Variants in FOXN3 observed in about 807,000 individuals in gnomAD.
FOXN3 encodes the protein forkhead box protein N3.
FOXN3 carries 7 observed loss-of-function variants against 38.4 expected under a neutral mutation model. That is an observed-to-expected ratio of 0.18 (90% CI 0.10 to 0.34). The LOEUF (loss-of-function observed/expected upper bound fraction) is 0.34, where lower values mean the gene tolerates loss of function less well. Among genes scored for constraint, FOXN3 ranks in the 10% least tolerant of loss-of-function variants. The probability of loss-of-function intolerance (pLI) is 1.00; values close to 1 mark genes in which losing one functional copy is unlikely to be tolerated. For synonymous variants in FOXN3, 230 were observed against 242.2 expected (o/e 0.95, Z 0.47); for missense variants, 456 against 613.4 (o/e 0.74, Z 2.71).
intron 1 of FOXN3, among the ~76,000 whole-genome samples, chr14:89,497,604 C>G (rs538626571): frequency 6.6e-6 from 1 of 151,652 alleles, no homozygotes; most frequent in African/African-American, 2.4e-5. Context: ...CGGGGTTTCT[C>G]CATGTTGAGG....
chr14:89,278,449 T>C (rs932226947), intron 4 of FOXN3, among the ~76,000 whole-genome samples: 5 of 152,230 alleles, frequency 3.3e-5, no homozygotes, highest in African/African-American at 4.8e-5. Flanking sequence ...TATTGAGTCC[T>C]GGGGAGACCA....
At chr14:89,310,280 G>C (rs1275033213) in intron 3 of FOXN3, among the ~76,000 whole-genome samples, 3 of 152,212 alleles carry the variant, frequency 2.0e-5, no homozygotes, top group Admixed American at 6.5e-5. Flanking sequence ...GGACTCACAG[G>C]GGGTCGGGCA....
chr14:89,435,221 G>C (rs1596272267), intron 1 of FOXN3, among the ~76,000 whole-genome samples: 1 of 151,936 alleles, frequency 6.6e-6, no homozygotes, highest in East Asian at 1.9e-4. Context: ...CATCTCTACA[G>C]AAAAAATTTT....
At chr14:89,434,659 C>T (rs1469940380) in intron 1 of FOXN3, among the ~76,000 whole-genome samples, 3 of 152,158 alleles carry the variant, frequency 2.0e-5, no homozygotes, top group South Asian at 2.1e-4. Flanking sequence ...TGTAGAGGTA[C>T]CCATTTTCAA....
At chr14:89,618,325 T>C (rs1596334662) in intron 1 of FOXN3, among the ~76,000 whole-genome samples, 1 of 152,260 alleles carries the variant, frequency 6.6e-6, no homozygotes, top group Middle Eastern at 3.4e-3. Flanking sequence ...CCAAATGTCA[T>C]CCCGGGAGTA....
chr14:89,574,925 T>C (rs1007219267), intron 1 of FOXN3, among the ~76,000 whole-genome samples: 4 of 152,130 alleles, frequency 2.6e-5, no homozygotes, highest in Non-Finnish European at 5.9e-5. Flanking sequence ...TGTGCCTTTA[T>C]AGGAAAGGAA....
intron 1 of FOXN3, among the ~76,000 whole-genome samples, chr14:89,482,956 C>T (rs923521581): frequency 5.3e-5 from 8 of 151,386 alleles, no homozygotes; most frequent in African/African-American, 1.9e-4. Flanking sequence ...ACCTATAATC[C>T]CAGCACTTTG....
chr14:89,538,669 C>T (rs1446666635), intron 1 of FOXN3, among the ~76,000 whole-genome samples: 2 of 152,012 alleles, frequency 1.3e-5, no homozygotes, highest in Non-Finnish European at 2.9e-5. Flanking sequence ...CAGGCATGCG[C>T]CACCACGCCT....
chr14:89,304,714 C>T (rs1435946468), intron 3 of FOXN3, among the ~76,000 whole-genome samples: 1 of 152,056 alleles, frequency 6.6e-6, no homozygotes, highest in African/African-American at 2.4e-5. Context: ...AAAACCTGGG[C>T]ATTCAACCCG....
intron 3 of FOXN3, among the ~76,000 whole-genome samples, chr14:89,333,988 A>ATATATC (rs1566959323): frequency 4.3e-4 from 36 of 83,756 alleles, no homozygotes; most frequent in African/African-American, 1.3e-3. Flanking sequence ...ATATATATAT[A>ATATATC]TATATATATA....
intron 1 of FOXN3, among the ~76,000 whole-genome samples, chr14:89,555,463 T>C (rs1895097476): frequency 6.6e-6 from 1 of 152,188 alleles, no homozygotes; most frequent in African/African-American, 2.4e-5. Context: ...GTAAAACCAA[T>C]GTCTTGAGGC....
At chr14:89,341,885 A>G (rs1888626057) in intron 3 of FOXN3, among the ~76,000 whole-genome samples, 1 of 152,176 alleles carries the variant, frequency 6.6e-6, no homozygotes, top group Admixed American at 6.5e-5. Flanking sequence ...AACGATGCCT[A>G]AGGCGTCGCT....
intron 1 of FOXN3, among the ~76,000 whole-genome samples, chr14:89,509,022 C>T (rs576706773): frequency 6.6e-6 from 1 of 152,102 alleles, no homozygotes; most frequent in African/African-American, 2.4e-5. Context: ...CTGCTATCTA[C>T]CCCCAGCCTC....
chr14:89,582,550 C>T (rs61996534), intron 1 of FOXN3, among the ~76,000 whole-genome samples: 8,133 of 141,366 alleles, frequency 0.058, 325 homozygotes, highest in Non-Finnish European at 0.081. Flanking sequence ...AGTGTAGTGG[C>T]GCAATCTCAG....
At chr14:89,521,357 A>G (rs999396116) in intron 1 of FOXN3, among the ~76,000 whole-genome samples, 13 of 104,822 alleles carry the variant, frequency 1.2e-4, no homozygotes, top group African/African-American at 4.9e-4. Flanking sequence ...TAGATGATAG[A>G]TAGAGAGAGA....
At chr14:89,589,196 G>C (rs1895905107) in intron 1 of FOXN3, among the ~76,000 whole-genome samples, 1 of 152,024 alleles carries the variant, frequency 6.6e-6, no homozygotes, top group South Asian at 2.1e-4. Context: ...CCCAGATCAT[G>C]AGACCAAAAC....
intron 1 of FOXN3, among the ~76,000 whole-genome samples, chr14:89,544,836 C>T (rs1046801351): frequency 6.6e-6 from 1 of 152,082 alleles, no homozygotes; most frequent in South Asian, 2.1e-4. Flanking sequence ...CAAGACAGAG[C>T]GGGACAGCAC....
intron 3 of FOXN3, among the ~76,000 whole-genome samples, chr14:89,317,050 C>T (rs1001281839): frequency 7.2e-5 from 11 of 152,258 alleles, no homozygotes; most frequent in African/African-American, 2.6e-4. Context: ...TGCAGTAGAA[C>T]CTGCACCACA....
chr14:89,400,381 C>T (rs1891214955), intron 2 of FOXN3, among the ~76,000 whole-genome samples: 1 of 152,186 alleles, frequency 6.6e-6, no homozygotes, highest in Non-Finnish European at 1.5e-5. Context: ...TATACCTCCA[C>T]CCGAATGTCT....
Sources: gnomAD v4.1 joint callset for allele counts (sites outside exome capture counted in the v4.1 genomes callset) on GRCh38, gnomAD v4.1.1 for gene constraint, MANE v1.5 for transcripts, NCBI Gene and HGNC (gene_info 2026-07-23, HGNC 2026-07-21) for gene names.